The following DLG5 variants were observed in gnomAD, a reference collection of about 807,000 sequenced individuals.
The protein encoded by DLG5 is discs large MAGUK scaffold protein 5.
A neutral mutation model predicts 189.8 loss-of-function variants in DLG5; 48 were observed. The ratio of observed to expected loss-of-function variants is 0.25; its 90% confidence interval spans 0.20 to 0.32. DLG5 has a LOEUF of 0.32. DLG5 is among the 10% of genes least tolerant of loss of function. The pLI, the probability that DLG5 is intolerant of heterozygous loss-of-function variation, is 1.00. For missense variants in DLG5, 2,160 were observed against 2,544.7 expected (o/e 0.85, Z 3.25); for synonymous variants, 1,016 against 1,054.1 (o/e 0.96, Z 0.70).
chr10:77,884,436 C>T (rs1242324139), intron 1 of DLG5, among the ~76,000 whole-genome samples: 2 of 152,148 alleles, frequency 1.3e-5, no homozygotes, highest in Non-Finnish European at 2.9e-5. Flanking sequence ...GAAAGGACCC[C>T]ACAGTGGATC....
At chr10:77,823,845 T>C (rs923063278) in intron 14 of DLG5, among the ~76,000 whole-genome samples, 1 of 151,320 alleles carries the variant, frequency 6.6e-6, no homozygotes, top group Non-Finnish European at 1.5e-5. Flanking sequence ...ATTTTTGAGA[T>C]AGGGTCTCAC....
At position 77,796,850 on chromosome 10, in the gene DLG5, T is replaced by C. The variant is rs1468674459; in HGVS notation, c.5165-256A>G. ...CTCATCCCAGAGCTTCCTTCTGCTC[T>C]GATTTTTCCTCGTGGGTCGACGCCT... On this transcript the variant is annotated intron_variant, in intron 27 of 31. Transcript: ENST00000372391. The surrounding 1 kb of genome is among the most constrained non-coding windows in gnomAD (Gnocchi z 5.2). 6.6e-6 allele frequency among the ~76,000 whole-genome samples: 1 copy of C among 152,234 alleles called. No individual in the cohort carries two copies. The highest frequency in any genetic ancestry group is 1.5e-5 in the Non-Finnish European group (1 of 68,048).
chr10:77,897,720 G>A (rs1391450792), intron 1 of DLG5, among the ~76,000 whole-genome samples: 3 of 150,628 alleles, frequency 2.0e-5, no homozygotes, highest in Non-Finnish European at 4.4e-5. Context: ...AAGGGGAAAG[G>A]GGGAGATAGG....
At chr10:77,912,045 T>G (rs1289954352) in intron 1 of DLG5, among the ~76,000 whole-genome samples, 1 of 151,422 alleles carries the variant, frequency 6.6e-6, no homozygotes, top group Non-Finnish European at 1.5e-5. Context: ...TGAATTTTTT[T>G]TTTTAATTAG....
At chr10:77,910,166 G>A (rs1483136635) in intron 1 of DLG5, among the ~76,000 whole-genome samples, 1 of 152,186 alleles carries the variant, frequency 6.6e-6, no homozygotes, top group Non-Finnish European at 1.5e-5. Flanking sequence ...GACGAATGCT[G>A]TGACGAAGAG....
At chr10:77,794,459 C>T (rs936278544) in intron 30 of DLG5, among the ~76,000 whole-genome samples, 5 of 152,222 alleles carry the variant, frequency 3.3e-5, no homozygotes, top group Non-Finnish European at 7.3e-5. Context: ...GCGAAGGCAA[C>T]GGCTCCTGAG....
chr10:77,814,384 ATACT>A (rs1189845162), intron 20 of DLG5, among the ~76,000 whole-genome samples: 2 of 149,866 alleles, frequency 1.3e-5, no homozygotes, highest in Non-Finnish European at 3.0e-5. Context: ...TTTATAAAGT[ATACT>A]TAAACTATTA....
chr10:77,825,374 C>CA (rs1554816035), intron 13 of DLG5, among the ~76,000 whole-genome samples: 2 of 130,816 alleles, frequency 1.5e-5, no homozygotes, highest in Non-Finnish European at 3.2e-5. Context: ...CCACACACAA[C>CA]CACACACACA....
At chr10:77,935,468 A>G in the DLG5 span, among the ~76,000 whole-genome samples, 1 of 152,062 alleles carries the variant, frequency 6.6e-6, no homozygotes, top group Non-Finnish European at 1.5e-5. Flanking sequence ...TACTGGATAC[A>G]GGGCTTTCTC....
intron 5 of DLG5, 47 bp downstream of exon 5, chr10:77,853,307 T>C (rs1245287994): frequency 4.2e-6 from 6 of 1,416,932 alleles, no homozygotes; most frequent in Non-Finnish European, 5.6e-6. Context: ...TTAAAAGGAA[T>C]GAGGACTACT....
chr10:77,881,328 C>T (rs895488720), intron 1 of DLG5, among the ~76,000 whole-genome samples: 1 of 152,110 alleles, frequency 6.6e-6, no homozygotes, highest in Admixed American at 6.6e-5. Context: ...ACAGGAGATA[C>T]CTAGTAATCA....
At chr10:77,894,166 A>G (rs1019346771) in intron 1 of DLG5, among the ~76,000 whole-genome samples, 6 of 152,274 alleles carry the variant, frequency 3.9e-5, no homozygotes, top group Middle Eastern at 6.8e-3. Context: ...ACAGCAAGGT[A>G]TCTACAAGGG....
At chr10:77,822,784 A>G (rs562504730) in intron 14 of DLG5, among the ~76,000 whole-genome samples, 2 of 152,334 alleles carry the variant, frequency 1.3e-5, no homozygotes, top group East Asian at 3.9e-4. Context: ...AAGAACTGAA[A>G]CAACGTGCAG....
intron 9 of DLG5, among the ~76,000 whole-genome samples, chr10:77,832,707 C>A (rs544573845): frequency 6.6e-6 from 1 of 152,314 alleles, no homozygotes; most frequent in East Asian, 1.9e-4. Context: ...AACACACAAG[C>A]TGAATGCACA....
chr10:77,811,215 C>G lies in DLG5; in HGVS notation c.4342G>C (p.Gly1448Arg). Reference protein sequence around the residue: ...SRSSSHLDPAGTHSTLQGSGT... With the variant: ...SRSSSHLDPARTHSTLQGSGT... ...CTGCCCTGGAGAGTGGAGTGGGTAC[C>G]GGCAGGGTCCAGGTGTGAGCTGGAG... Residue 1448 changes from glycine (G) to arginine (R), a missense_variant, in exon 23 of 32, where the codon GGT becomes CGT. Transcript: ENST00000372391. 6.2e-7 allele frequency: 1 copy of G among 1,613,064 alleles called. No homozygotes were observed. The highest frequency in any genetic ancestry group is 8.5e-7 in the Non-Finnish European group (1 of 1,179,872).
intron 20 of DLG5, among the ~76,000 whole-genome samples, chr10:77,815,267 C>T (rs189037596): frequency 6.6e-6 from 1 of 152,366 alleles, no homozygotes; most frequent in African/African-American, 2.4e-5. Flanking sequence ...ACACCCGATT[C>T]CCCTACTGGG....
At chr10:77,855,545 C>T (rs1166405348) in intron 3 of DLG5, among the ~76,000 whole-genome samples, 2 of 152,232 alleles carry the variant, frequency 1.3e-5, no homozygotes, top group African/African-American at 4.8e-5. Context: ...CAGTCATAGA[C>T]ACTTTGTAAC....
chr10:77,819,051 C>T (rs1419743865), intron 17 of DLG5, among the ~76,000 whole-genome samples: 1 of 152,210 alleles, frequency 6.6e-6, no homozygotes, highest in Non-Finnish European at 1.5e-5. Context: ...AAATGATATT[C>T]ATAAAGGTCT....
chr10:77,806,058 G>T, intron 26 of DLG5, 197 bp from the exon 27 acceptor site: 1 of 532,560 alleles, frequency 1.9e-6, no homozygotes, highest in Non-Finnish European at 3.3e-6. Context: ...ACAAACACCA[G>T]CACCAGGGCA....
Sources: gnomAD v4.1 joint callset for allele counts (sites outside exome capture counted in the v4.1 genomes callset) on GRCh38, gnomAD v4.1.1 for gene constraint, Gnocchi (gnomAD v3.1) non-coding constraint, MANE v1.5 for transcripts, NCBI Gene and HGNC (gene_info 2026-07-23, HGNC 2026-07-21) for gene names.